THSD7B: variants seen among roughly 807,000 people sequenced by gnomAD.
The protein encoded by THSD7B is thrombospondin type-1 domain-containing protein 7B.
Under a neutral mutation model 213.6 loss-of-function variants are expected in THSD7B, and 138 were observed. That is an observed-to-expected ratio of 0.65 (90% CI 0.56 to 0.74). The LOEUF (loss-of-function observed/expected upper bound fraction) is 0.74, where lower values mean the gene tolerates loss of function less well. Among genes scored for constraint, THSD7B ranks in the 30% least tolerant of loss-of-function variants. The probability of loss-of-function intolerance (pLI) is 0.00; values close to 1 mark genes in which losing one functional copy is unlikely to be tolerated. For synonymous variants in THSD7B, 742 were observed against 687.0 expected (o/e 1.08, Z -1.25); for missense variants, 1,931 against 1,991.5 (o/e 0.97, Z 0.58).
chr2:137,458,301 G>A (rs1287007577), intron 15 of THSD7B, among the ~76,000 whole-genome samples: 1 of 152,156 alleles, frequency 6.6e-6, no homozygotes, highest in Non-Finnish European at 1.5e-5. Context: ...CAAGCAAAAT[G>A]CCTTGAGCAT....
intron 3 of THSD7B, among the ~76,000 whole-genome samples, chr2:137,088,762 T>C (rs1206365586): frequency 6.6e-6 from 1 of 151,988 alleles, no homozygotes; most frequent in African/African-American, 2.4e-5. Flanking sequence ...GATTCTACAA[T>C]GAACTCAAAC....
chr2:136,928,859 C>G (rs1309783284), intron 2 of THSD7B, among the ~76,000 whole-genome samples: 1 of 151,968 alleles, frequency 6.6e-6, no homozygotes, highest in Admixed American at 6.6e-5. Flanking sequence ...GGAATAAAAG[C>G]TATTGAAAAA....
chr2:136,953,367 A>T (rs1289960274), intron 2 of THSD7B, among the ~76,000 whole-genome samples: 1 of 152,196 alleles, frequency 6.6e-6, no homozygotes, highest in Admixed American at 6.5e-5. Context: ...AAGCTGTTTT[A>T]AAGAACAACT....
intron 27 of THSD7B, among the ~76,000 whole-genome samples, chr2:137,672,757 T>G (rs1683605074): frequency 6.6e-6 from 1 of 152,354 alleles, no homozygotes; most frequent in African/African-American, 2.4e-5. Context: ...ATAGTAAAAC[T>G]TGAAAATGCT....
intron 5 of THSD7B, among the ~76,000 whole-genome samples, chr2:137,151,865 T>G (rs1386833947): frequency 1.3e-5 from 2 of 152,166 alleles, no homozygotes; most frequent in Admixed American, 6.5e-5. Context: ...TTCAGGTCCA[T>G]TATAATCTTA....
At chr2:136,790,214 G>A (rs898750927) in intron 1 of THSD7B, among the ~76,000 whole-genome samples, 2 of 151,342 alleles carry the variant, frequency 1.3e-5, no homozygotes, top group Non-Finnish European at 2.9e-5. Flanking sequence ...AACTTGATTC[G>A]CCTTCACCAG....
chr2:136,924,143 C>T (rs1264311183), intron 2 of THSD7B, among the ~76,000 whole-genome samples: 4 of 152,110 alleles, frequency 2.6e-5, no homozygotes, highest in Admixed American at 2.0e-4. Context: ...TGGAGCCCTG[C>T]TCTGTCACCA....
intron 1 of THSD7B, among the ~76,000 whole-genome samples, chr2:136,864,971 A>G (rs575427304): frequency 6.6e-6 from 1 of 152,288 alleles, no homozygotes; most frequent in Admixed American, 6.5e-5. Context: ...CAATATTACC[A>G]TGTGTCTAAT....
intron 2 of THSD7B, among the ~76,000 whole-genome samples, chr2:136,890,603 G>A (rs1366717765): frequency 5.3e-5 from 7 of 132,818 alleles, no homozygotes; most frequent in Non-Finnish European, 1.1e-4. Context: ...GCAATGGTGT[G>A]ATCTCGGCTC....
At chr2:136,872,390 T>TC (rs1558833336) in intron 1 of THSD7B, among the ~76,000 whole-genome samples, 1 of 38,642 alleles carries the variant, frequency 2.6e-5, no homozygotes. Flanking sequence ...TTCGGGGGGG[T>TC]GGGGGGGACT....
intron 2 of THSD7B, among the ~76,000 whole-genome samples, chr2:137,017,644 C>T (rs763447028): frequency 3.3e-5 from 5 of 152,132 alleles, no homozygotes; most frequent in Admixed American, 6.6e-5. Context: ...TCCTGACTCA[C>T]GCTTTCCAGT....
chr2:137,211,103 C>T (rs2117746), intron 7 of THSD7B, among the ~76,000 whole-genome samples: 90,535 of 151,582 alleles, frequency 0.6, 27,441 homozygotes, highest in South Asian at 0.71. Flanking sequence ...AAGATACTTC[C>T]TTGACATTTA....
intron 12 of THSD7B, among the ~76,000 whole-genome samples, chr2:137,300,264 T>G (rs1308656998): frequency 3.3e-5 from 5 of 152,176 alleles, no homozygotes; most frequent in African/African-American, 1.2e-4. Context: ...AACTAAAATA[T>G]CCATACTTAT....
intron 1 of THSD7B, among the ~76,000 whole-genome samples, chr2:136,877,459 G>A (rs951857079): frequency 3.3e-5 from 5 of 152,060 alleles, no homozygotes; most frequent in East Asian, 3.9e-4. Flanking sequence ...TTCAAGCAAC[G>A]GAGCTTTACC....
At chr2:137,122,419 G>A (rs771892622) in intron 5 of THSD7B, among the ~76,000 whole-genome samples, 1 of 152,122 alleles carries the variant, frequency 6.6e-6, no homozygotes, top group Admixed American at 6.6e-5. Context: ...GGAAGTTCAT[G>A]GTTTAAACAG....
chr2:137,202,535 G>A (rs548516482), intron 7 of THSD7B, among the ~76,000 whole-genome samples: 13 of 152,280 alleles, frequency 8.5e-5, no homozygotes, highest in African/African-American at 2.9e-4. Flanking sequence ...TCTCCCAGGA[G>A]CAGCAGTAGA....
At chr2:137,328,334 G>A (rs1684418677) in intron 12 of THSD7B, among the ~76,000 whole-genome samples, 1 of 152,146 alleles carries the variant, frequency 6.6e-6, no homozygotes, top group Admixed American at 6.5e-5. Flanking sequence ...AGTAGCAACA[G>A]ATTTTTGAAT....
intron 14 of THSD7B, among the ~76,000 whole-genome samples, chr2:137,425,010 T>C (rs1400591600): frequency 1.3e-5 from 2 of 150,932 alleles, no homozygotes; most frequent in African/African-American, 4.9e-5. Flanking sequence ...AGGCGGAGCT[T>C]ACAGTGAGCG....
chr2:137,032,091 T>G (rs1033181349), intron 2 of THSD7B, among the ~76,000 whole-genome samples: 1 of 151,784 alleles, frequency 6.6e-6, no homozygotes, highest in Non-Finnish European at 1.5e-5. Context: ...TCCACCTACC[T>G]CGGCCTCCCA....
Sources: allele counts gnomAD v4.1 joint callset (sites outside exome capture counted in the v4.1 genomes callset), GRCh38; gene constraint gnomAD v4.1.1; transcripts MANE v1.5; gene names NCBI Gene and HGNC (gene_info 2026-07-23, HGNC 2026-07-21).